The following MYO5A variants were observed in gnomAD, a reference collection of about 807,000 sequenced individuals.
MYO5A encodes myosin VA.
Under a neutral mutation model 249.7 loss-of-function variants are expected in MYO5A, and 98 were observed. The ratio of observed to expected loss-of-function variants is 0.39; its 90% CI spans 0.33 to 0.46. The LOEUF is 0.46. Ranked by LOEUF, MYO5A falls within the 20% of genes least tolerant of loss-of-function variation. MYO5A has a pLI of 0.98. For synonymous variants in MYO5A, 778 were observed against 810.6 expected (o/e 0.96, Z 0.68); for missense variants, 1,696 against 2,308.8 (o/e 0.73, Z 5.44).
chr15:52,375,267 A>G, intron 20 of MYO5A, 37 bp downstream of exon 20: 1 of 1,609,862 alleles, frequency 6.2e-7, no homozygotes, highest in South Asian at 1.1e-5. Context: ...GTTAATGCTA[A>G]TAGAATGAAT....
At chr15:52,445,877 G>A (rs10851517) in intron 1 of MYO5A, among the ~76,000 whole-genome samples, 22,441 of 152,154 alleles carry the variant, frequency 0.15, 1,784 homozygotes, top group Middle Eastern at 0.22. Flanking sequence ...GATGTGGCCC[G>A]ACTGCTTCGA....
chr15:52,483,304 C>G (rs1488266261), intron 1 of MYO5A, among the ~76,000 whole-genome samples: 5 of 152,206 alleles, frequency 3.3e-5, no homozygotes, highest in African/African-American at 1.2e-4. Flanking sequence ...AGGGCCTCCC[C>G]TTGTCCAATC....
At chr15:52,431,183 G>T (rs1274420275) in intron 2 of MYO5A, among the ~76,000 whole-genome samples, 1 of 120,512 alleles carries the variant, frequency 8.3e-6, no homozygotes, top group Non-Finnish European at 1.6e-5. Flanking sequence ...AGTGAGCCGA[G>T]ATTGCACCAC....
At chr15:52,335,952 G>A (rs1332841120) in intron 34 of MYO5A, among the ~76,000 whole-genome samples, 1 of 152,072 alleles carries the variant, frequency 6.6e-6, no homozygotes, top group African/African-American at 2.4e-5. Flanking sequence ...TTGATGCAAA[G>A]GCATTTGCAG....
chr15:52,417,680 G>A (rs871488), intron 4 of MYO5A, among the ~76,000 whole-genome samples: 29,618 of 152,150 alleles, frequency 0.19, 3,652 homozygotes, highest in East Asian at 0.56. Flanking sequence ...CATGAATGCA[G>A]GAGTGAGCTA....
chr15:52,399,831 C>A (rs1043313173), intron 9 of MYO5A, among the ~76,000 whole-genome samples: 1 of 151,904 alleles, frequency 6.6e-6, no homozygotes, highest in Admixed American at 6.6e-5. Flanking sequence ...CTCTTGTATT[C>A]CCCTGTGTCT....
intron 1 of MYO5A, among the ~76,000 whole-genome samples, chr15:52,503,719 G>A (rs1466870766): frequency 6.6e-6 from 1 of 152,050 alleles, no homozygotes; most frequent in Non-Finnish European, 1.5e-5. Context: ...TTAAGTAAGT[G>A]GAAACTTATT....
intron 38 of MYO5A, 92 bp downstream of exon 38, chr15:52,321,267 T>C (rs911500489): frequency 6.5e-7 from 1 of 1,535,382 alleles, no homozygotes; most frequent in African/African-American, 1.4e-5. Context: ...CCCAAATGAA[T>C]ACCTGCCCTG....
rs773832206 is a variant in MYO5A at position 52,375,309 on chromosome 15, G to C, written c.2572C>G (p.Arg858Gly). Residue 858 changes from arginine to glycine, a missense_variant, in exon 20 of 42, where the codon CGC (arginine) becomes GGC (glycine). Coordinates refer to ENST00000399233, the MANE Select transcript of MYO5A (RefSeq NM_001382347.1). ...LRGFLARNRY[R>G]KILREHKAVI... Reference sequence around the variant, plus strand: ...AGTTGAAAATAATGCCTCACCTTGCGATACCTATTTCTGGCCAAGAAGCCT... The same window carrying C: ...AGTTGAAAATAATGCCTCACCTTGCCATACCTATTTCTGGCCAAGAAGCCT... 3.7e-6 allele frequency: 6 copies of C among 1,614,002 alleles called. No individual in the cohort carries two copies. Among genetic ancestry groups the C allele is most frequent in the Non-Finnish European group, 5.1e-6 (6 of 1,179,944 alleles).
chr15:52,461,672 T>C (rs1406834546), intron 1 of MYO5A, among the ~76,000 whole-genome samples: 9 of 152,128 alleles, frequency 5.9e-5, no homozygotes. Context: ...CCATAAAAAC[T>C]GTGTGATCAG....
chr15:52,481,029 T>A (rs1380162828), intron 1 of MYO5A, among the ~76,000 whole-genome samples: 1 of 152,220 alleles, frequency 6.6e-6, no homozygotes, highest in Non-Finnish European at 1.5e-5. Flanking sequence ...CCATGGCATT[T>A]GGTAGTGCAC....
intron 25 of MYO5A, among the ~76,000 whole-genome samples, chr15:52,357,657 C>A (rs2040310918): frequency 6.6e-6 from 1 of 152,056 alleles, no homozygotes; most frequent in Admixed American, 6.5e-5. Flanking sequence ...TAAGAGTGCT[C>A]CCGATGGTAC....
intron 1 of MYO5A, among the ~76,000 whole-genome samples, chr15:52,483,672 T>G (rs1193237305): frequency 2.0e-5 from 3 of 152,166 alleles, no homozygotes; most frequent in Non-Finnish European, 1.5e-5. Context: ...ATTCTATGGA[T>G]TAAGGTATTT....
intron 1 of MYO5A, among the ~76,000 whole-genome samples, chr15:52,517,831 G>C (rs545791429): frequency 5.3e-5 from 3 of 57,004 alleles, no homozygotes; most frequent in South Asian, 7.6e-4. Context: ...ATAGACAAAA[G>C]ACTTAACAAA....
In MYO5A at chr15:52,321,447, A is replaced by G; in HGVS notation, c.4863T>C (p.Ala1621=). The G allele has an allele frequency of 2.5e-6, 4 of 1,614,162 alleles. No individual in the cohort carries two copies. Among genetic ancestry groups the G allele is most frequent in the Non-Finnish European group, 3.4e-6 (4 of 1,179,984 alleles). ...AGTCACTCAGCACCTGCCGATACTC[A>G]GCCAGGTCAAAATTGGTGAGGCAGT... The part of the protein sequence containing the change: ...NEHCLTNFDL[A]EYRQVLSDLA... The change falls in exon 38 of 42, where the codon GCT becomes GCC. Residue 1621 remains alanine (A), a synonymous_variant. Transcript: ENST00000399233.
chr15:52,479,291 T>C (rs1351888467), intron 1 of MYO5A, among the ~76,000 whole-genome samples: 1 of 152,196 alleles, frequency 6.6e-6, no homozygotes, highest in Non-Finnish European at 1.5e-5. Context: ...TTTAACTTTT[T>C]ATAATAGATT....
intron 32 of MYO5A, among the ~76,000 whole-genome samples, chr15:52,338,184 T>G (rs2039211783): frequency 1.4e-5 from 2 of 147,006 alleles, no homozygotes; most frequent in Admixed American, 1.4e-4. Context: ...GCCTTTTTAC[T>G]CCCAGCCTCC....
Position 52,384,282 on chromosome 15 carries a change from G to A in MYO5A, c.1793C>T (p.Ala598Val), listed in dbSNP as rs1472832846. Residue 598 changes from alanine (A) to valine (V), a missense_variant, in exon 15 of 42, where the codon GCC becomes GTC. By Grantham distance (64) the Ala-to-Val change is moderately conservative. Around this residue, in one of 5 missense-constraint regions of MYO5A, gnomAD observed 277 missense variants for 422.4 expected, o/e 0.66. Coordinates refer to ENST00000399233, the MANE Select transcript of MYO5A (RefSeq NM_001382347.1). ...GGAGGTGGCTGAAGTTGGACTGATG[G>A]CCTTCTCATCATCTTGAAATAGTTC... is the stretch of plus-strand genomic sequence containing the variant. ...LPELFQDDEKAISPTSATSSG... is the reference protein window; with the variant it reads ...LPELFQDDEKVISPTSATSSG... 1 of 1,614,146 alleles carries A rather than the reference G, an allele frequency of 6.2e-7. No homozygotes were observed.
intron 1 of MYO5A, among the ~76,000 whole-genome samples, chr15:52,489,011 A>G (rs1220358256): frequency 6.6e-6 from 1 of 152,240 alleles, no homozygotes; most frequent in Non-Finnish European, 1.5e-5. Flanking sequence ...ACCTTAACTT[A>G]TCTTCTACAT....
Sources: allele counts gnomAD v4.1 joint callset (sites outside exome capture counted in the v4.1 genomes callset), GRCh38; gene constraint gnomAD v4.1.1; regional missense constraint gnomAD v4.1.1; transcripts MANE v1.5; gene names NCBI Gene and HGNC (gene_info 2026-07-23, HGNC 2026-07-21).